The following MACF1 variants were observed in gnomAD, a reference collection of about 807,000 sequenced individuals.
MACF1 encodes microtubule-actin cross-linking factor 1.
In MACF1, 193 loss-of-function variants were observed where a neutral mutation model predicts 854.8. The observed-to-expected ratio is 0.23, with a 90% CI of 0.20 to 0.25. The LOEUF (loss-of-function observed/expected upper bound fraction) is 0.25. Ranked by LOEUF, MACF1 falls within the 10% of genes least tolerant of loss-of-function variation. The pLI is 1.00. For synonymous variants in MACF1, 3,185 were observed against 3,226.7 expected, an observed-to-expected ratio of 0.99 and a Z score of 0.44; for missense variants, 7,722 against 8,929.1, an observed-to-expected ratio of 0.86 and a Z score of 5.45.
chr1:39,422,290 T>C, intron 58 of MACF1, 84 bp from the exon 59 acceptor site: 1 of 1,050,056 alleles, frequency 9.5e-7, no homozygotes, highest in Non-Finnish European at 1.4e-6. Context: ...AAGTCATAAA[T>C]GCCCCAAGAA....
chr1:39,308,406 T>C (rs1233352886), intron 23 of MACF1, among the ~76,000 whole-genome samples: 1 of 152,138 alleles, frequency 6.6e-6, no homozygotes. Context: ...AGTGGGAGTT[T>C]TGGAGAGAGG....
Position 39,360,844 on chromosome 1 carries a change from C to A in MACF1, c.12296C>A (p.Ser4099Tyr). ...CTCTCCTATAGCCTGGCTGAGCGAT[C>A]TTCTCTGCTGCAGAAAGCAATTGCC... ...QSLSYSLAER[S>Y]SLLQKAIAQS... The change falls in exon 48 of 101, where the codon TCT becomes TAT. Residue 4099 changes from serine to tyrosine, a missense_variant. This residue lies in a region of MACF1 where 2,807 missense variants were observed against 3,235.8 expected (regional missense o/e 0.87). Transcript: ENST00000564288. The A allele has an allele frequency of 1.2e-6, 2 of 1,614,006 alleles. No homozygotes were observed. Among genetic ancestry groups the A allele is most frequent in the Non-Finnish European group, 1.7e-6 (2 of 1,179,988 alleles).
At position 39,428,173 on chromosome 1, in the gene MACF1, G is replaced by A; in HGVS notation, c.16689G>A (p.Gly5563=). 1 of 1,614,218 alleles carries A rather than the reference G, an allele frequency of 6.2e-7. No homozygotes were observed. The stretch of plus-strand genomic sequence containing the variant: ...CTCTGTCTAATGCTAGGCTGTTTGG[G>A]GAGGATGAGGTGGAGGTGCTCAACT... The part of the protein sequence containing the change: ...DQALSNARLF[G]EDEVEVLNWL... The change falls in exon 63 of 101, where the codon GGG becomes GGA. Residue 5563 remains glycine, a synonymous_variant. Coordinates refer to ENST00000564288, the MANE Select transcript of MACF1 (RefSeq NM_001394062.1).
intron 58 of MACF1, chr1:39,414,570 T>C: frequency 6.5e-7 from 1 of 1,547,562 alleles, no homozygotes; most frequent in Non-Finnish European, 8.7e-7. Flanking sequence ...CACAGATAGT[T>C]CTTTTGTTCT....
chr1:39,214,161 C>T (rs536530218), intron 1 of MACF1, among the ~76,000 whole-genome samples: 2 of 152,256 alleles, frequency 1.3e-5, no homozygotes, highest in African/African-American at 4.8e-5. Context: ...ATTTAGGGAG[C>T]TAGAGCAGAG....
At chr1:39,337,101 C>T (rs1646824607) in intron 37 of MACF1, 81 bp from the exon 38 acceptor site, 1 of 1,406,474 alleles carries the variant, frequency 7.1e-7, no homozygotes. Context: ...TTCTATTTGT[C>T]TAACAAAAAC....
chr1:39,376,200 A>C (rs1453027964), intron 52 of MACF1, among the ~76,000 whole-genome samples: 1 of 152,194 alleles, frequency 6.6e-6, no homozygotes, highest in Non-Finnish European at 1.5e-5. Context: ...AATTCAGCAT[A>C]ATTGAACATG....
chr1:39,096,183 C>CAAA (rs35710100), intron 2 of MACF1, among the ~76,000 whole-genome samples: 8 of 117,402 alleles, frequency 6.8e-5, no homozygotes, highest in Admixed American at 3.4e-4. Flanking sequence ...GACCCTGTCT[C>CAAA]AAAAAAAAAA....
At chr1:39,376,553 A>G (rs1649737214) in intron 52 of MACF1, among the ~76,000 whole-genome samples, 1 of 152,228 alleles carries the variant, frequency 6.6e-6, no homozygotes, top group Non-Finnish European at 1.5e-5. Context: ...TGAGTTAGTG[A>G]CAACCTTGGT....
At chr1:39,443,392 T>G in intron 78 of MACF1, 54 bp from the exon 79 acceptor site, 6 of 1,550,070 alleles carry the variant, frequency 3.9e-6, no homozygotes, top group Non-Finnish European at 5.2e-6. Context: ...GAAAGTTGAC[T>G]TTTAAAGCTG....
rs766396912 is a variant in MACF1, at chr1:39,324,349, A to G, written c.4389+4A>G. 3.7e-6 allele frequency: 6 copies of G among 1,613,220 alleles called. No individual in the cohort carries two copies. In the South Asian group the frequency reaches 5.5e-5, roughly 15 times the overall value. On this transcript the variant is annotated splice_donor_region_variant and intron_variant, in intron 34 of 100. Coordinates refer to ENST00000564288, the MANE Select transcript of MACF1 (RefSeq NM_001394062.1). ...AAAAGCTATTTTGGAACAGCAGGTG[A>G]GAAGAAGGTCCATCTCTGTTTACCT... is the stretch of plus-strand genomic sequence containing the variant.
rs1641888127 is a variant in MACF1, at chr1:39,388,546, G to A, written c.15704G>A (p.Arg5235Lys). Residue 5235 changes from arginine (R) to lysine (K), a missense_variant, in exon 58 of 101, where the codon AGG (arginine) becomes AAG (lysine). Transcript: ENST00000564288. ...CTAGGCCGTGTAGAGGACTTCTACA[G>A]GAAATTGAAAGGACTCAATGACGCG... Reference protein sequence around the residue: ...LTLGRVEDFYRKLKGLNDATT... With the variant: ...LTLGRVEDFYKKLKGLNDATT... The A allele has an allele frequency of 6.2e-7, 1 of 1,614,190 alleles. No individual in the cohort carries two copies. Among genetic ancestry groups the A allele is most frequent in the Non-Finnish European group, 8.5e-7 (1 of 1,180,038 alleles).
chr1:39,270,767 G>T (rs1030362598), intron 6 of MACF1, among the ~76,000 whole-genome samples: 7 of 151,686 alleles, frequency 4.6e-5, no homozygotes, highest in African/African-American at 1.4e-4. Flanking sequence ...TACTGTACAG[G>T]GGCCCTGATG....
intron 38 of MACF1, 31 bp from the exon 39 acceptor site, chr1:39,340,471 T>G: frequency 1.3e-6 from 2 of 1,539,252 alleles, no homozygotes; most frequent in Non-Finnish European, 1.8e-6. Flanking sequence ...CTAGTCTTGC[T>G]TTTATAGGTA....
chr1:39,353,099 G>A lies in MACF1; in HGVS notation c.11292G>A (p.Leu3764=), dbSNP rs1647247888. 6.2e-7 allele frequency: 1 copy of A among 1,614,176 alleles called. No individual in the cohort carries two copies. The highest frequency in any genetic ancestry group is 8.5e-7 in the Non-Finnish European group (1 of 1,180,028). The change falls in exon 44 of 101, where the codon CTG becomes CTA. Residue 3764 remains leucine (L), a synonymous_variant. Coordinates refer to ENST00000564288, the MANE Select transcript of MACF1 (RefSeq NM_001394062.1). ...VTSVGSSGGQ[L]LTNLPGMEQL... Reference sequence around the variant, plus strand: ...CAGTAGGATCATCTGGTGGACAGCTGCTGACCAACCTTCCAGGAATGGAGC... The same window carrying A: ...CAGTAGGATCATCTGGTGGACAGCTACTGACCAACCTTCCAGGAATGGAGC...
Position 39,283,520 on chromosome 1 carries a change from A to G in MACF1, c.915+5A>G. ...GGAGAAGGGATCAGTGCTACGGTAA[A>G]AGAACATTTTCCTAGAAGGCCTTCT... On this transcript the variant is annotated splice_donor_5th_base_variant and intron_variant, in intron 9 of 100. Coordinates refer to ENST00000564288, the MANE Select transcript of MACF1 (RefSeq NM_001394062.1). This position sits in a 1 kb window ranked among gnomAD's most constrained non-coding sequence, Gnocchi z 4.5. 1 of 1,582,762 alleles carries G rather than the reference A, an allele frequency of 6.3e-7. No homozygotes were observed. The highest frequency in any genetic ancestry group is 8.7e-7 in the Non-Finnish European group (1 of 1,151,822).
chr1:39,461,791 CAAAAAAAAA>C (rs59393084), intron 92 of MACF1, 83 bp from the exon 93 acceptor site: 133 of 350,910 alleles, frequency 3.8e-4, no homozygotes, highest in Middle Eastern at 3.7e-3. Flanking sequence ...GACCTTGTCT[CAAAAAAAAA>C]AAAAAAAAAA....
chr1:39,440,101 CTTTTCTTTTCTTTTTT>C (rs1324664219), intron 72 of MACF1, among the ~76,000 whole-genome samples: 1 of 82,664 alleles, frequency 1.2e-5, no homozygotes, highest in Non-Finnish European at 2.6e-5. Flanking sequence ...CTTTTCTTTT[CTTTTCTTTTCTTTTTT>C]TTTTTTTTTT....
chr1:39,434,905 T>C (rs556343419), intron 69 of MACF1, among the ~76,000 whole-genome samples: 17 of 152,222 alleles, frequency 1.1e-4, no homozygotes, highest in Non-Finnish European at 2.2e-4. Context: ...TTAAAATATT[T>C]CCGGGGATAA....
Sources: gnomAD v4.1 joint callset for allele counts (sites outside exome capture counted in the v4.1 genomes callset) on GRCh38, gnomAD v4.1.1 for gene constraint, gnomAD v4.1.1 regional missense constraint, Gnocchi (gnomAD v3.1) non-coding constraint, MANE v1.5 for transcripts, NCBI Gene and HGNC (gene_info 2026-07-23, HGNC 2026-07-21) for gene names.